ECE1: variants seen among roughly 807,000 people sequenced by gnomAD.
ECE1 encodes endothelin-converting enzyme 1.
ECE1 carries 35 observed loss-of-function variants against 98.6 expected under a neutral mutation model. That is an observed-to-expected ratio of 0.35 (90% CI 0.27 to 0.47). The LOEUF (loss-of-function observed/expected upper bound fraction) is 0.47. Ranked by LOEUF, ECE1 falls within the 20% of genes least tolerant of loss-of-function variation. The probability of loss-of-function intolerance (pLI) is 1.00; values close to 1 mark genes in which losing one functional copy is unlikely to be tolerated. For missense variants in ECE1, 814 were observed against 1,025.3 expected (o/e 0.79, Z 2.81); for synonymous variants, 394 against 407.1 (o/e 0.97, Z 0.39).
chr1:21,285,339 T>G (rs1025583513), intron 2 of ECE1, among the ~76,000 whole-genome samples: 2 of 152,158 alleles, frequency 1.3e-5, no homozygotes, highest in Non-Finnish European at 2.9e-5. Context: ...TCCCACTGTG[T>G]GTTGCTGGGC....
In ECE1 at chr1:21,233,658, T is replaced by C. The variant is rs1341242220; in HGVS notation, c.1570A>G (p.Thr524Ala). 6.2e-7 allele frequency: 1 copy of C among 1,613,578 alleles called. No homozygotes were observed. Among genetic ancestry groups the C allele is most frequent in the Admixed American group, 1.7e-5 (1 of 59,990 alleles). Residue 524 changes from threonine (T) to alanine (A), a missense_variant, in exon 14 of 19, where the codon ACT becomes GCT. Transcript: ENST00000374893. This position sits in a 1 kb window ranked among gnomAD's most constrained non-coding sequence, Gnocchi z 4.0. ...KELDKVFNDY[T>A]AVPDLYFENA... The stretch of plus-strand genomic sequence containing the variant: ...TCAAAGTAGAGGTCTGGAACTGCAG[T>C]GTACTAGAAAAGAAGAAGTGGAGTC...
chr1:21,343,028 G>A (rs771014721), intron 1 of ECE1, among the ~76,000 whole-genome samples: 1 of 152,122 alleles, frequency 6.6e-6, no homozygotes, highest in African/African-American at 2.4e-5. Context: ...CCAGGAGCCT[G>A]TCCTGTGCAC....
chr1:21,291,051 C>T (rs1569677086), upstream of ECE1, among the ~76,000 whole-genome samples: 1 of 152,150 alleles, frequency 6.6e-6, no homozygotes, highest in Non-Finnish European at 1.5e-5. Context: ...ACAAGAGAAC[C>T]ATTGCTCCAG....
intron 17 of ECE1, among the ~76,000 whole-genome samples, chr1:21,223,883 C>T (rs1289238274): frequency 6.6e-6 from 1 of 152,246 alleles, no homozygotes; most frequent in Non-Finnish European, 1.5e-5. Context: ...TAGGCATGAG[C>T]CACTGCGCCC....
At chr1:21,312,008 A>C (rs1638735503) in intron 1 of ECE1, among the ~76,000 whole-genome samples, 1 of 151,098 alleles carries the variant, frequency 6.6e-6, no homozygotes, top group Non-Finnish European at 1.5e-5. Flanking sequence ...CTCTAATTCC[A>C]GCTACTGGGG....
intron 4 of ECE1, among the ~76,000 whole-genome samples, chr1:21,263,722 C>T (rs1178644525): frequency 2.6e-5 from 4 of 152,138 alleles, no homozygotes; most frequent in East Asian, 1.9e-4. Flanking sequence ...GAGGGGGCCC[C>T]GCCAGGAGTT....
chr1:21,333,601 G>A (rs1234750430), intron 1 of ECE1, among the ~76,000 whole-genome samples: 1 of 152,200 alleles, frequency 6.6e-6, no homozygotes, highest in African/African-American at 2.4e-5. Flanking sequence ...GGGAGGCCGA[G>A]GCAGGCAAAT....
chr1:21,310,945 G>A (rs1242593126), intron 1 of ECE1, among the ~76,000 whole-genome samples: 1 of 152,148 alleles, frequency 6.6e-6, no homozygotes, highest in African/African-American at 2.4e-5. Flanking sequence ...ACAAAAACAT[G>A]TTGACAAGGA....
intron 2 of ECE1, chr1:21,279,864 G>A: frequency 3.3e-6 from 1 of 304,524 alleles, no homozygotes. Flanking sequence ...TGAGGAAACT[G>A]AGGTCCAGAG....
At chr1:21,269,062 T>C (rs1047404183) in intron 4 of ECE1, among the ~76,000 whole-genome samples, 33 of 152,298 alleles carry the variant, frequency 2.2e-4, no homozygotes, top group African/African-American at 7.7e-4. Context: ...GAGAACTCTG[T>C]GGAGCAGCCG....
At chr1:21,280,475 G>C (rs2098253130) in intron 2 of ECE1, among the ~76,000 whole-genome samples, 1 of 152,186 alleles carries the variant, frequency 6.6e-6, no homozygotes, top group African/African-American at 2.4e-5. Context: ...AGAAGGAATG[G>C]AAGTGGAGAG....
rs958729936 is a variant in ECE1, at chr1:21,307,070, C to T, written c.4-16914G>A. On this transcript the variant is annotated intron_variant, in intron 1 of 18. Coordinates refer to the ECE1 transcript ENST00000415912. This position sits in a 1 kb window ranked among gnomAD's most constrained non-coding sequence, Gnocchi z 4.2. ...TTGGGCTTAGGATGACTGAGGTCCACCGAGGACTCCCTCGTCTCCCTGCAC... is the reference window on the plus strand; with the variant it reads ...TTGGGCTTAGGATGACTGAGGTCCATCGAGGACTCCCTCGTCTCCCTGCAC... Among the ~76,000 whole-genome samples, 79 of 152,192 alleles carry T rather than the reference C, an allele frequency of 5.2e-4. No homozygotes were observed. The highest frequency in any genetic ancestry group is 1.7e-3 in the African/African-American group (71 of 41,446).
At chr1:21,279,751 C>A in intron 2 of ECE1, 1 of 1,233,518 alleles carries the variant, frequency 8.1e-7, no homozygotes, top group Non-Finnish European at 1.0e-6. Flanking sequence ...GTGACACAGC[C>A]ATGGCTCACA....
chr1:21,253,937 TGCCTGCCTGTAATTCCAGCTACTCAG>T (rs2098216462), intron 8 of ECE1, among the ~76,000 whole-genome samples: 1 of 150,346 alleles, frequency 6.7e-6, no homozygotes, highest in Non-Finnish European at 1.5e-5. Context: ...GGCGTGGTGG[TGCCTGCCTGTAATTCCAGCTACTCAG>T]GAGGCTGAGG....
intron 4 of ECE1, among the ~76,000 whole-genome samples, chr1:21,261,207 T>C (rs530180412): frequency 6.6e-6 from 1 of 152,284 alleles, no homozygotes. Context: ...AACCCCTCAA[T>C]TCCATCTGTC....
chr1:21,228,084 AGGCAGGTGG>A (rs2098176779), intron 14 of ECE1, 43 bp from the exon 15 acceptor site: 1 of 1,502,538 alleles, frequency 6.7e-7, no homozygotes, highest in South Asian at 1.2e-5. Flanking sequence ...ACAGGGCGGG[AGGCAGGTGG>A]GGACAGCCTG....
At chr1:21,339,513 G>A (rs1334049692) in intron 1 of ECE1, among the ~76,000 whole-genome samples, 1 of 152,136 alleles carries the variant, frequency 6.6e-6, no homozygotes, top group African/African-American at 2.4e-5. Context: ...TTACAACTCT[G>A]AAATAAGGCT....
intron 10 of ECE1, among the ~76,000 whole-genome samples, chr1:21,239,948 A>C (rs1457663174): frequency 6.6e-6 from 1 of 152,128 alleles, no homozygotes; most frequent in East Asian, 1.9e-4. Context: ...AGGCAAGTGG[A>C]TCACTTGAGG....
intron 1 of ECE1, among the ~76,000 whole-genome samples, chr1:21,313,175 A>G (rs1638764114): frequency 2.0e-5 from 3 of 152,096 alleles, no homozygotes; most frequent in African/African-American, 7.2e-5. Context: ...CCACAATGCC[A>G]AGGCCAACTC....
Sources: gnomAD v4.1 joint callset for allele counts (sites outside exome capture counted in the v4.1 genomes callset) on GRCh38, gnomAD v4.1.1 for gene constraint, Gnocchi (gnomAD v3.1) non-coding constraint, MANE v1.5 for transcripts, NCBI Gene and HGNC (gene_info 2026-07-23, HGNC 2026-07-21) for gene names.